Variants in PRKCE observed in about 807,000 individuals in gnomAD.
The protein encoded by PRKCE is protein kinase C epsilon type.
In PRKCE, 16 loss-of-function variants were observed where a neutral mutation model predicts 85.4. The observed-to-expected ratio is 0.19, with a 90% CI of 0.13 to 0.28. PRKCE has a LOEUF of 0.28. Among genes scored for constraint, PRKCE ranks in the 10% least tolerant of loss-of-function variants. The probability of loss-of-function intolerance (pLI) is 1.00; values close to 1 mark genes in which losing one functional copy is unlikely to be tolerated. For missense variants in PRKCE, 573 were observed against 975.2 expected, an observed-to-expected ratio of 0.59 and a Z score of 5.49; for synonymous variants, 388 against 371.5, an observed-to-expected ratio of 1.04 and a Z score of -0.51.
intron 1 of PRKCE, among the ~76,000 whole-genome samples, chr2:45,839,710 T>A (rs55990710): frequency 0.026 from 4,013 of 152,246 alleles, 60 homozygotes; most frequent in African/African-American, 0.051. Context: ...AGCGGTGAAG[T>A]TGTGCCACAC....
At chr2:46,150,034 GAGAC>G (rs1676463174) in intron 12 of PRKCE, among the ~76,000 whole-genome samples, 1 of 151,836 alleles carries the variant, frequency 6.6e-6, no homozygotes, top group Admixed American at 6.6e-5. Context: ...TTTTTTTTAA[GAGAC>G]AGGGTCTTAC....
chr2:45,808,317 G>C (rs1436505724), intron 1 of PRKCE, among the ~76,000 whole-genome samples: 1 of 152,174 alleles, frequency 6.6e-6, no homozygotes, highest in Non-Finnish European at 1.5e-5. Context: ...ACAATTGTAG[G>C]TTTGGAGGTT....
Position 45,677,941 on chromosome 2 carries a change from C to G in PRKCE, c.348+25493C>G, listed in dbSNP as rs1052780113. 80 of 964,026 alleles carry G rather than the reference C, an allele frequency of 8.3e-5. No individual in the cohort carries two copies. In the African/African-American group the frequency reaches 1.3e-3, roughly 15 times the overall value. The allele number at this position is 964,026 out of a possible 1,614,324, so 59.7% of individuals were successfully genotyped here. On this transcript the variant is annotated intron_variant, in intron 1 of 14. Coordinates refer to ENST00000306156, the MANE Select transcript of PRKCE (RefSeq NM_005400.3). ...GGTAGGAGCATATCAGTAGCTTTCCCTGCCCTTTTGTCTGCCACTGTGATG... is the reference window on the plus strand; with the variant it reads ...GGTAGGAGCATATCAGTAGCTTTCCGTGCCCTTTTGTCTGCCACTGTGATG...
At chr2:46,136,479 A>G (rs747548069) in intron 11 of PRKCE, among the ~76,000 whole-genome samples, 22 of 152,206 alleles carry the variant, frequency 1.4e-4, no homozygotes, top group Non-Finnish European at 2.6e-4. Context: ...TGCAGGGTAA[A>G]GAAAACAGGA....
chr2:45,743,091 G>A (rs1914309), intron 1 of PRKCE, among the ~76,000 whole-genome samples: 70,347 of 151,636 alleles, frequency 0.46, 17,670 homozygotes, highest in South Asian at 0.7. Flanking sequence ...ATAGAATGGT[G>A]GTTGCCAGGG....
chr2:45,925,195 T>C (rs756907260), intron 2 of PRKCE, among the ~76,000 whole-genome samples: 47 of 152,214 alleles, frequency 3.1e-4, no homozygotes, highest in Non-Finnish European at 6.0e-4. Flanking sequence ...AGACTCGTAC[T>C]AAGGGAGAGG....
At chr2:45,718,011 A>G (rs967323553) in intron 1 of PRKCE, among the ~76,000 whole-genome samples, 1 of 152,198 alleles carries the variant, frequency 6.6e-6, no homozygotes, top group Non-Finnish European at 1.5e-5. Flanking sequence ...ATCCTTGTAG[A>G]TACATTGTTT....
At chr2:45,712,512 C>G (rs1679751257) in intron 1 of PRKCE, among the ~76,000 whole-genome samples, 2 of 152,260 alleles carry the variant, frequency 1.3e-5, no homozygotes, top group South Asian at 2.1e-4. Flanking sequence ...CTTAAAGCCC[C>G]TGATGGGAAG....
intron 1 of PRKCE, among the ~76,000 whole-genome samples, chr2:45,746,796 A>C (rs1683174245): frequency 6.6e-6 from 1 of 152,038 alleles, no homozygotes. Context: ...TGCCTACCCA[A>C]ATGATTTCCC....
chr2:45,932,689 A>G (rs1699129971), intron 2 of PRKCE, among the ~76,000 whole-genome samples: 1 of 152,180 alleles, frequency 6.6e-6, no homozygotes, highest in Admixed American at 6.5e-5. Context: ...AGTGGGATTT[A>G]GTGTGTTTAT....
At chr2:46,116,148 C>G (rs1281922239) in intron 11 of PRKCE, among the ~76,000 whole-genome samples, 1 of 152,196 alleles carries the variant, frequency 6.6e-6, no homozygotes, top group African/African-American at 2.4e-5. Context: ...AAATTGCTAG[C>G]TAGCCCTTGG....
At chr2:45,787,819 G>C (rs1573358821) in intron 1 of PRKCE, among the ~76,000 whole-genome samples, 1 of 152,288 alleles carries the variant, frequency 6.6e-6, no homozygotes. Context: ...ATGACCTCAA[G>C]GGATGAAGTT....
intron 1 of PRKCE, among the ~76,000 whole-genome samples, chr2:45,672,576 T>C (rs1676226629): frequency 6.6e-6 from 1 of 152,248 alleles, no homozygotes; most frequent in South Asian, 2.1e-4. Flanking sequence ...ATTATCATTA[T>C]TATTTTCAAT....
At chr2:45,952,385 A>G (rs1408785341) in intron 2 of PRKCE, among the ~76,000 whole-genome samples, 1 of 152,186 alleles carries the variant, frequency 6.6e-6, no homozygotes, top group East Asian at 1.9e-4. Flanking sequence ...TCTCTCTCTC[A>G]TGGGCTTAAC....
chr2:45,835,647 G>A (rs1050448532), intron 1 of PRKCE, among the ~76,000 whole-genome samples: 2 of 149,892 alleles, frequency 1.3e-5, no homozygotes, highest in Non-Finnish European at 2.9e-5. Context: ...CTGGAGTGCA[G>A]TTGTGAAATC....
chr2:45,767,052 A>T (rs1684968724), intron 1 of PRKCE, among the ~76,000 whole-genome samples: 3 of 151,806 alleles, frequency 2.0e-5, no homozygotes, highest in African/African-American at 7.2e-5. Context: ...AAAAAAAAAA[A>T]TAAGTAACTT....
At chr2:45,971,158 A>G (rs1702083634) in intron 2 of PRKCE, among the ~76,000 whole-genome samples, 1 of 152,134 alleles carries the variant, frequency 6.6e-6, no homozygotes, top group South Asian at 2.1e-4. Context: ...CCCTTTTACT[A>G]GTATCTCCCT....
In PRKCE at chr2:45,885,297, ATG is replaced by A. The variant is rs548543317; in HGVS notation, c.412+42242_412+42243del. ...CACCATGTGACTTCCAAATAAAATG[ATG>A]TGTGTGTCTGGAGGGAAGGGACCTG... On this transcript the variant is annotated intron_variant, in intron 2 of 14. Coordinates refer to ENST00000306156, the MANE Select transcript of PRKCE (RefSeq NM_005400.3). Among the ~76,000 whole-genome samples the A allele has an allele frequency of 1.3e-3, 200 of 152,152 alleles. No individual in the cohort carries two copies. In the East Asian group the frequency reaches 0.015, roughly 12 times the overall value.
chr2:45,715,064 C>A (rs1298957260), intron 1 of PRKCE, among the ~76,000 whole-genome samples: 2 of 152,226 alleles, frequency 1.3e-5, no homozygotes, highest in African/African-American at 4.8e-5. Flanking sequence ...TAAGACTGGG[C>A]TGCACAAAGC....
Sources: allele counts gnomAD v4.1 joint callset (sites outside exome capture counted in the v4.1 genomes callset), GRCh38; gene constraint gnomAD v4.1.1; transcripts MANE v1.5; gene names NCBI Gene and HGNC (gene_info 2026-07-23, HGNC 2026-07-21).